Variants in CREB5 observed in about 807,000 individuals in gnomAD.
CREB5 encodes cyclic AMP-responsive element-binding protein 5.
In CREB5, 19 loss-of-function variants were observed where a neutral mutation model predicts 57.1. The ratio of observed to expected loss-of-function variants is 0.33; its 90% CI spans 0.23 to 0.49. The LOEUF is 0.49. Among genes scored for constraint, CREB5 ranks in the 20% least tolerant of loss-of-function variants. The pLI, the probability that CREB5 is intolerant of heterozygous loss-of-function variation, is 0.99. For synonymous variants in CREB5, 238 were observed against 238.3 expected (o/e 1.00, Z 0.01); for missense variants, 579 against 671.6 (o/e 0.86, Z 1.52).
intron 5 of CREB5, among the ~76,000 whole-genome samples, chr7:28,622,358 G>T (rs1182042903): frequency 2.0e-5 from 3 of 151,818 alleles, no homozygotes; most frequent in African/African-American, 7.3e-5. Context: ...TGCAGAAGGA[G>T]AAAGAAAACC....
intron 1 of CREB5, among the ~76,000 whole-genome samples, chr7:28,433,383 A>G (rs1788809130): frequency 6.6e-6 from 1 of 152,196 alleles, no homozygotes; most frequent in Admixed American, 6.5e-5. Flanking sequence ...TATTTGATTA[A>G]AAGGGGTATT....
In CREB5 at chr7:28,518,234, G is replaced by C. The variant is rs115681154; in HGVS notation, c.291+10497G>C. ...ATAGTGCTGACCGAATCCTGCCTGA[G>C]TTGGTGCTGGGCACAGCCTTTTTCT... On this transcript the variant is annotated intron_variant, in intron 4 of 10. Transcript: ENST00000357727. 6.3e-3 allele frequency among the ~76,000 whole-genome samples: 954 copies of C among 152,330 alleles called. 11 individuals carry two copies. Among genetic ancestry groups the C allele is most frequent in the African/African-American group, 0.021 (872 of 41,568 alleles).
chr7:28,768,891 A>G (rs1806152883), intron 7 of CREB5, among the ~76,000 whole-genome samples: 1 of 152,168 alleles, frequency 6.6e-6, no homozygotes, highest in South Asian at 2.1e-4. Flanking sequence ...TGCATTTAGG[A>G]TAGCTTTCCT....
chr7:28,633,995 G>C (rs1364066856), intron 5 of CREB5, among the ~76,000 whole-genome samples: 1 of 152,192 alleles, frequency 6.6e-6, no homozygotes, highest in Non-Finnish European at 1.5e-5. Flanking sequence ...ACTTTAGCCT[G>C]TCTTCTTGGC....
chr7:28,483,300 G>A (rs1791411559), intron 1 of CREB5, among the ~76,000 whole-genome samples: 1 of 152,178 alleles, frequency 6.6e-6, no homozygotes, highest in African/African-American at 2.4e-5. Flanking sequence ...GAATTTGTGG[G>A]GTCAGACACT....
At position 28,517,402 on chromosome 7, in the gene CREB5, C is replaced by T. The variant is rs1359710064; in HGVS notation, c.291+9665C>T. Among the ~76,000 whole-genome samples, 14 of 152,172 alleles carry T rather than the reference C, an allele frequency of 9.2e-5. 1 individual carries two copies. Among genetic ancestry groups the T allele is most frequent in the Non-Finnish European group, 1.5e-5 (1 of 68,030 alleles). On this transcript the variant is annotated intron_variant, in intron 4 of 10. Transcript: ENST00000357727. ...CTGAGGCCAGAACTGGGATTCCGAGCATTCCTCCCATCTGCATTTCCAGCA... is the reference window on the plus strand; with the variant it reads ...CTGAGGCCAGAACTGGGATTCCGAGTATTCCTCCCATCTGCATTTCCAGCA...
chr7:28,815,865 G>C (rs1454339022), intron 9 of CREB5, among the ~76,000 whole-genome samples: 1 of 152,066 alleles, frequency 6.6e-6, no homozygotes, highest in Non-Finnish European at 1.5e-5. Flanking sequence ...TTGTTTTCTA[G>C]GTAGAAAAGT....
chr7:28,328,380 T>C (rs1785649045), intron 1 of CREB5, among the ~76,000 whole-genome samples: 2 of 152,186 alleles, frequency 1.3e-5, no homozygotes, highest in African/African-American at 4.8e-5. Flanking sequence ...TCAACTGTCA[T>C]TTTTGGTAAG....
At position 28,467,932 on chromosome 7, in the gene CREB5, C is replaced by T. The variant is rs147747508; in HGVS notation, c.4-20243C>T. On this transcript the variant is annotated intron_variant, in intron 1 of 10. Coordinates refer to ENST00000357727, the MANE Select transcript of CREB5 (RefSeq NM_182898.4). Reference sequence around the variant, plus strand: ...AGGAATCAGCAATAAGAGAAAATGACGATAGTCAAATGGCCTTAGGAGGTC... The same window carrying T: ...AGGAATCAGCAATAAGAGAAAATGATGATAGTCAAATGGCCTTAGGAGGTC... Among the ~76,000 whole-genome samples, 386 of 152,246 alleles carry T rather than the reference C, an allele frequency of 2.5e-3. 6 individuals are homozygous for T. Among genetic ancestry groups the T allele is most frequent in the East Asian group, 0.022 (113 of 5,178 alleles).
chr7:28,583,004 C>T (rs759863334), intron 5 of CREB5, among the ~76,000 whole-genome samples: 16 of 152,226 alleles, frequency 1.1e-4, no homozygotes, highest in African/African-American at 2.4e-4. Context: ...ATGGGCACCT[C>T]GAATCCACTA....
chr7:28,395,497 C>G (rs1583418125), intron 1 of CREB5, among the ~76,000 whole-genome samples: 1 of 152,176 alleles, frequency 6.6e-6, no homozygotes, highest in East Asian at 1.9e-4. Context: ...TAGTGCATGT[C>G]AGGACAGGGT....
At chr7:28,658,953 G>GTGTGTGTATATATATATA (rs1400561698) in intron 5 of CREB5, among the ~76,000 whole-genome samples, 5 of 99,604 alleles carry the variant, frequency 5.0e-5, no homozygotes, top group African/African-American at 1.6e-4. Context: ...GTGTGTGTGT[G>GTGTGTGTATATATATATA]TATATATATA....
chr7:28,638,845 C>T (rs976908563), intron 5 of CREB5, among the ~76,000 whole-genome samples: 6 of 152,216 alleles, frequency 3.9e-5, no homozygotes, highest in African/African-American at 1.4e-4. Context: ...AAATATTGCT[C>T]CTCCAAAAGA....
chr7:28,773,743 T>C (rs1472927969), intron 7 of CREB5, among the ~76,000 whole-genome samples: 1 of 152,190 alleles, frequency 6.6e-6, no homozygotes, highest in Non-Finnish European at 1.5e-5. Context: ...GTCCACTGAG[T>C]TCACAGTATT....
At chr7:28,588,936 C>T (rs1796395085) in intron 5 of CREB5, among the ~76,000 whole-genome samples, 1 of 152,162 alleles carries the variant, frequency 6.6e-6, no homozygotes. Flanking sequence ...TGGCTTTCTT[C>T]CCAGCAACGT....
At chr7:28,664,522 G>A (rs183939918) in intron 5 of CREB5, among the ~76,000 whole-genome samples, 3 of 151,744 alleles carry the variant, frequency 2.0e-5, no homozygotes, top group Admixed American at 2.0e-4. Flanking sequence ...TTATTCTTCT[G>A]ACTTCTCTTG....
chr7:28,470,839 C>T (rs963293420), intron 1 of CREB5, among the ~76,000 whole-genome samples: 2 of 152,212 alleles, frequency 1.3e-5, no homozygotes, highest in Non-Finnish European at 1.5e-5. Flanking sequence ...TGACGTTGCA[C>T]ACCCTTTCAT....
At chr7:28,725,358 C>A (rs149791958) in intron 7 of CREB5, among the ~76,000 whole-genome samples, 1 of 152,162 alleles carries the variant, frequency 6.6e-6, no homozygotes, top group African/African-American at 2.4e-5. Context: ...GGAAACTTCA[C>A]GCATTTGACT....
At chr7:28,367,123 G>T (rs1378069175) in intron 1 of CREB5, among the ~76,000 whole-genome samples, 2 of 152,100 alleles carry the variant, frequency 1.3e-5, no homozygotes, top group Non-Finnish European at 2.9e-5. Flanking sequence ...CTTTGCTGGC[G>T]ATTTCTTCCC....
Sources: gnomAD v4.1 joint callset for allele counts (sites outside exome capture counted in the v4.1 genomes callset) on GRCh38, gnomAD v4.1.1 for gene constraint, MANE v1.5 for transcripts, NCBI Gene and HGNC (gene_info 2026-07-23, HGNC 2026-07-21) for gene names.